ERCC8: variants seen among roughly 807,000 people sequenced by gnomAD.
The protein encoded by ERCC8 is ERCC excision repair 8, CSA ubiquitin ligase complex subunit.
In ERCC8, 52 loss-of-function variants were observed where a neutral mutation model predicts 54.9. The ratio of observed to expected loss-of-function variants is 0.95; its 90% CI spans 0.76 to 1.19. The LOEUF (loss-of-function observed/expected upper bound fraction) is 1.19. Ranked by LOEUF, ERCC8 falls within the 50% of genes most tolerant of loss-of-function variation. The pLI, the probability that ERCC8 is intolerant of heterozygous loss-of-function variation, is 0.00. For missense variants in ERCC8, 514 were observed against 466.1 expected, an observed-to-expected ratio of 1.10 and a Z score of -0.95; for synonymous variants, 146 against 157.2, an observed-to-expected ratio of 0.93 and a Z score of 0.53.
chr5:60,899,773 G>A, intron 7 of ERCC8, 46 bp from the exon 8 acceptor site: 1 of 1,373,854 alleles, frequency 7.3e-7, no homozygotes. Context: ...CTAGGACAAT[G>A]ACTGTACCCC....
intron 5 of ERCC8, 33 bp downstream of exon 5, chr5:60,904,759 T>A: frequency 7.3e-7 from 1 of 1,371,966 alleles, no homozygotes; most frequent in South Asian, 1.2e-5. Context: ...AAGTTTTCAG[T>A]ATGTCAAAAG....
rs1747856337 is a variant in ERCC8 at position 60,871,203 on chromosome 5, T to A, written c.*3412A>T. 6.6e-6 allele frequency among the ~76,000 whole-genome samples: 1 copy of A among 152,190 alleles called. No individual in the cohort carries two copies. The highest frequency in any genetic ancestry group is 1.9e-4 in the East Asian group (1 of 5,198). On this transcript the variant is annotated 3_prime_UTR_variant, in exon 12 of 12. Coordinates refer to ENST00000676185, the MANE Select transcript of ERCC8 (RefSeq NM_000082.4). ...ATATAGTACAGTTCCAAGTCTTCAC[T>A]AATAAACATGTAGCCTTGAACAGGG...
chr5:60,920,491 G>T lies in ERCC8; in HGVS notation c.275+1563C>A, dbSNP rs973636683. Among the ~76,000 whole-genome samples the T allele has an allele frequency of 2.6e-5, 4 of 151,794 alleles. No individual in the cohort carries two copies. In the Admixed American group the frequency reaches 2.6e-4, roughly 10 times the overall value. The stretch of plus-strand genomic sequence containing the variant: ...TAATAAGAATTTTGGTAGAGGAAAG[G>T]AATCTTTTTAGTGCTCAAGGACAAA... On this transcript the variant is annotated intron_variant, in intron 3 of 11. Transcript: ENST00000676185.
At chr5:60,914,979 T>C (rs1749389060) in intron 4 of ERCC8, among the ~76,000 whole-genome samples, 1 of 151,978 alleles carries the variant, frequency 6.6e-6, no homozygotes, top group African/African-American at 2.4e-5. Context: ...TGCTAGATTC[T>C]ACATATTAAT....
At chr5:60,904,634 G>GTGTGTATATATATATA (rs1406862264) in intron 5 of ERCC8, among the ~76,000 whole-genome samples, 158 bp downstream of exon 5, 2 of 49,940 alleles carry the variant, frequency 4.0e-5, no homozygotes, top group African/African-American at 1.7e-4. Flanking sequence ...GTGTGTGTGT[G>GTGTGTATATATATATA]TATATATATA....
At chr5:60,930,553 G>A (rs529538907) in intron 1 of ERCC8, among the ~76,000 whole-genome samples, 29 of 40,754 alleles carry the variant, frequency 7.1e-4, no homozygotes, top group African/African-American at 2.1e-3. Flanking sequence ...GCAAGACTCC[G>A]TCTAAAAACA....
chr5:60,881,796 C>T (rs191350108), intron 11 of ERCC8, among the ~76,000 whole-genome samples: 3,032 of 152,286 alleles, frequency 0.02, 117 homozygotes, highest in African/African-American at 0.069. Context: ...TTCCCTGACC[C>T]CTTGTGCTTC....
intron 2 of ERCC8, chr5:60,924,413 A>G (rs1400406823): frequency 5.2e-5 from 8 of 154,514 alleles, no homozygotes; most frequent in African/African-American, 1.7e-4. Context: ...TTGACAATTT[A>G]TCCGTCCTTT....
At chr5:60,909,407 T>C (rs1434110408) in intron 4 of ERCC8, among the ~76,000 whole-genome samples, 5 of 151,966 alleles carry the variant, frequency 3.3e-5, no homozygotes, top group Non-Finnish European at 7.4e-5. Flanking sequence ...ACACAAAAAT[T>C]ACGATGTATT....
intron 11 of ERCC8, among the ~76,000 whole-genome samples, chr5:60,881,987 C>T (rs954707929): frequency 5.3e-5 from 8 of 152,140 alleles, no homozygotes; most frequent in Non-Finnish European, 1.0e-4. Flanking sequence ...TGTTCCTATT[C>T]GGCCATCTTG....
intron 1 of ERCC8, among the ~76,000 whole-genome samples, chr5:60,937,064 C>T (rs1196309506): frequency 6.6e-6 from 1 of 152,198 alleles, no homozygotes; most frequent in African/African-American, 2.4e-5. Flanking sequence ...TCTAGCCAAC[C>T]AGCAGAGCTA....
rs1037433487 is a variant in ERCC8 at position 60,870,033 on chromosome 5, AT to A, written c.*4581del. On this transcript the variant is annotated 3_prime_UTR_variant, in exon 12 of 12. Transcript: ENST00000676185. ...ACAAATACCAGTTGAATAAACAATT[AT>A]TAAAAAGTTTCAAGTGGAAGCCTCC... 5.9e-5 allele frequency among the ~76,000 whole-genome samples: 9 copies of A among 152,348 alleles called. No homozygotes were observed. Among genetic ancestry groups the A allele is most frequent in the African/African-American group, 1.9e-4 (8 of 41,584 alleles).
At chr5:60,919,577 A>G (rs1392507522) in intron 3 of ERCC8, 1 of 152,042 alleles carries the variant, frequency 6.6e-6, no homozygotes, top group Non-Finnish European at 1.5e-5. Flanking sequence ...GTGCCTACTC[A>G]TATTTCCTTT....
chr5:60,899,666 C>A lies in ERCC8; in HGVS notation c.679G>T (p.Asp227Tyr), dbSNP rs1274652324. 1 of 1,612,242 alleles carries A rather than the reference C, an allele frequency of 6.2e-7. No homozygotes were observed. Among genetic ancestry groups the A allele is most frequent in the East Asian group, 2.2e-5 (1 of 44,772 alleles). The change falls in exon 8 of 12, where the codon GAT becomes TAT. Residue 227 changes from aspartate to tyrosine, a missense_variant. By Grantham distance (160) the Asp-to-Tyr change is radical (BLOSUM62 -3). Coordinates refer to ENST00000676185, the MANE Select transcript of ERCC8 (RefSeq NM_000082.4). ...TGTGACTTTTTCCCATTATGTTGAT[C>A]AAGAGTAATCAAACATCCTGATGCT... ...RRASGCLITL[D>Y]QHNGKKSQAV...
chr5:60,902,523 A>G lies in ERCC8; in HGVS notation c.551-15T>C. ...TTGTCTGTGACCTGCAAATACAACT[A>G]TATGAAAAGTCTTGCAAGATATCTG... On this transcript the variant is annotated splice_polypyrimidine_tract_variant and intron_variant, in intron 6 of 11. Transcript: ENST00000676185. 2 of 1,603,816 alleles carry G rather than the reference A, an allele frequency of 1.2e-6. No individual in the cohort carries two copies. The highest frequency in any genetic ancestry group is 1.7e-6 in the Non-Finnish European group (2 of 1,170,910).
chr5:60,869,790 T>A lies in ERCC8; in HGVS notation c.*4825A>T, dbSNP rs144638186. On this transcript the variant is annotated 3_prime_UTR_variant, in exon 12 of 12. Transcript: ENST00000676185. ...TTTAAAACTAGGCATTTCATAGGTGTACCATAATGACTAGTTAAAAATGGA... is the reference window on the plus strand; with the variant it reads ...TTTAAAACTAGGCATTTCATAGGTGAACCATAATGACTAGTTAAAAATGGA... 3.3e-5 allele frequency among the ~76,000 whole-genome samples: 5 copies of A among 151,912 alleles called. No individual in the cohort carries two copies. Among genetic ancestry groups the A allele is most frequent in the Non-Finnish European group, 7.4e-5 (5 of 68,014 alleles).
intron 4 of ERCC8, among the ~76,000 whole-genome samples, chr5:60,916,042 T>G (rs1216798846): frequency 2.0e-5 from 3 of 152,004 alleles, no homozygotes; most frequent in African/African-American, 7.3e-5. Flanking sequence ...AATTCTTCTC[T>G]CCAGTACCAT....
At position 60,920,154 on chromosome 5, in the gene ERCC8, G is replaced by C. The variant is rs183077367; in HGVS notation, c.276-1766C>G. 1.8e-4 allele frequency among the ~76,000 whole-genome samples: 27 copies of C among 152,012 alleles called. No homozygotes were observed. In the East Asian group the frequency reaches 4.6e-3, roughly 26 times the overall value. On this transcript the variant is annotated intron_variant, in intron 3 of 11. Coordinates refer to ENST00000676185, the MANE Select transcript of ERCC8 (RefSeq NM_000082.4). ...ACTAATGTTCCTGTGGTGTGACCCT[G>C]ACTGTGTTCTCTATCCTGACTTCTT... is the stretch of plus-strand genomic sequence containing the variant.
chr5:60,882,950 A>G (rs2112465946), intron 11 of ERCC8, among the ~76,000 whole-genome samples: 1 of 150,060 alleles, frequency 6.7e-6, no homozygotes, highest in Non-Finnish European at 1.5e-5. Flanking sequence ...TTTGATAACT[A>G]CCAAAAATAG....
Sources: allele counts gnomAD v4.1 joint callset (sites outside exome capture counted in the v4.1 genomes callset), GRCh38; gene constraint gnomAD v4.1.1; transcripts MANE v1.5; gene names NCBI Gene and HGNC (gene_info 2026-07-23, HGNC 2026-07-21).